Variants in TCF20 observed in about 807,000 individuals in gnomAD.
TCF20 encodes SPRE-binding protein.
TCF20 carries 3 observed loss-of-function variants against 148.6 expected under a neutral mutation model. The observed-to-expected ratio is 0.02, with a 90% confidence interval of 0.01 to 0.05. The LOEUF (loss-of-function observed/expected upper bound fraction) is 0.05, where lower values mean the gene tolerates loss of function less well. Among genes scored for constraint, TCF20 ranks in the 10% least tolerant of loss-of-function variants. The probability of loss-of-function intolerance (pLI) is 1.00; values close to 1 mark genes in which losing one functional copy is unlikely to be tolerated. For missense variants in TCF20, 2,350 were observed against 2,429.3 expected (o/e 0.97, Z 0.69); for synonymous variants, 1,049 against 909.5 (o/e 1.15, Z -2.76).
In TCF20 at chr22:42,213,150, C is replaced by T. The variant is rs746307234; in HGVS notation, c.2156G>A (p.Arg719Gln). The change falls in exon 2 of 6, where the codon CGA (arginine) becomes CAA (glutamine). Residue 719 changes from arginine (R) to glutamine (Q), a missense_variant. Coordinates refer to ENST00000677622, the MANE Select transcript of TCF20 (RefSeq NM_001378418.1). ...ATACTGAGGAAAGCCACTGACATTT[C>T]GTGGCACGGCTGACCCGAAACTATC... ...YKDSFGSAVP[R>Q]NVSGFPQYPT... 3.7e-6 allele frequency: 6 copies of T among 1,614,052 alleles called. No homozygotes were observed. The African/African-American group carries it at 4.0e-5, about 11-fold the overall frequency.
chr22:42,193,954 G>A (rs1297882466), intron 2 of TCF20, among the ~76,000 whole-genome samples: 3 of 152,132 alleles, frequency 2.0e-5, no homozygotes, highest in African/African-American at 7.2e-5. Context: ...TTTCAAGAGT[G>A]AGATTAGAAA....
intron 1 of TCF20, among the ~76,000 whole-genome samples, chr22:42,244,600 G>C (rs5751251): frequency 0.47 from 71,988 of 152,018 alleles, 17,743 homozygotes; most frequent in South Asian, 0.58. Context: ...TCTAAAAACA[G>C]AAAGCAGATC....
intron 1 of TCF20, among the ~76,000 whole-genome samples, chr22:42,264,062 G>A (rs1926156213): frequency 6.6e-6 from 1 of 152,094 alleles, no homozygotes; most frequent in Non-Finnish European, 1.5e-5. Flanking sequence ...CACGCTGGAT[G>A]CCAGCTGGCT....
intron 1 of TCF20, among the ~76,000 whole-genome samples, chr22:42,312,541 A>G (rs2147042786): frequency 6.6e-6 from 1 of 152,282 alleles, no homozygotes; most frequent in Admixed American, 6.5e-5. Context: ...CACTACCCAC[A>G]AAACCACTAT....
At chr22:42,249,053 G>C (rs1925149110) in intron 1 of TCF20, among the ~76,000 whole-genome samples, 3 of 152,210 alleles carry the variant, frequency 2.0e-5, no homozygotes, top group Admixed American at 2.0e-4. Context: ...GGAGCCCAGG[G>C]AGTACACAGA....
intron 1 of TCF20, among the ~76,000 whole-genome samples, chr22:42,305,971 G>A (rs1338796775): frequency 6.6e-6 from 1 of 152,196 alleles, no homozygotes; most frequent in Non-Finnish European, 1.5e-5. Context: ...TCCAGCAAAG[G>A]CTGGCATTGG....
intron 3 of TCF20, among the ~76,000 whole-genome samples, chr22:42,179,403 G>A (rs921017158): frequency 7.2e-6 from 1 of 138,688 alleles, no homozygotes; most frequent in Non-Finnish European, 1.5e-5. Flanking sequence ...ATTTAAAAAA[G>A]AAAACAGAAT....
chr22:42,202,974 G>C (rs1299668537), intron 2 of TCF20, among the ~76,000 whole-genome samples: 4 of 152,208 alleles, frequency 2.6e-5, no homozygotes, highest in Non-Finnish European at 4.4e-5. Flanking sequence ...CAAGATATTT[G>C]TTGAATTGAA....
intron 1 of TCF20, among the ~76,000 whole-genome samples, chr22:42,217,319 G>C (rs1441939897): frequency 6.6e-6 from 1 of 152,122 alleles, no homozygotes; most frequent in African/African-American, 2.4e-5. Flanking sequence ...GAGCCAGATA[G>C]CTTGCTCTCC....
chr22:42,241,513 C>A (rs1344550869), intron 1 of TCF20, among the ~76,000 whole-genome samples: 1 of 152,168 alleles, frequency 6.6e-6, no homozygotes, highest in Non-Finnish European at 1.5e-5. Flanking sequence ...TAAGAACTAT[C>A]CATTGAGTTA....
At chr22:42,199,620 G>A (rs1439789060) in intron 2 of TCF20, among the ~76,000 whole-genome samples, 1 of 138,304 alleles carries the variant, frequency 7.2e-6, no homozygotes, top group South Asian at 2.3e-4. Context: ...CTGTAATCCC[G>A]ACACTTTGGG....
At chr22:42,174,720 A>ATT (rs200903962) in intron 3 of TCF20, among the ~76,000 whole-genome samples, 1 of 147,288 alleles carries the variant, frequency 6.8e-6, no homozygotes, top group African/African-American at 2.5e-5. Context: ...CTCAAAAAAA[A>ATT]TTTTTTTTTT....
At chr22:42,334,945 C>T (rs1172532885) in intron 1 of TCF20, among the ~76,000 whole-genome samples, 1 of 152,152 alleles carries the variant, frequency 6.6e-6, no homozygotes, top group Non-Finnish European at 1.5e-5. Flanking sequence ...CAGGATGAAC[C>T]AGGACCCAAG....
intron 3 of TCF20, 108 bp from the exon 4 acceptor site, chr22:42,170,004 A>G: frequency 1.9e-6 from 2 of 1,041,926 alleles, no homozygotes; most frequent in African/African-American, 1.6e-5. Flanking sequence ...AGGTCGCTAC[A>G]CTTACTTCTA....
intron 2 of TCF20, among the ~76,000 whole-genome samples, chr22:42,204,016 T>C (rs1269993908): frequency 6.6e-6 from 1 of 152,250 alleles, no homozygotes; most frequent in Non-Finnish European, 1.5e-5. Flanking sequence ...CTAGAGAGCC[T>C]ACCTTTCTGA....
chr22:42,218,864 T>C (rs1029860112), intron 1 of TCF20, among the ~76,000 whole-genome samples: 2 of 151,898 alleles, frequency 1.3e-5, no homozygotes, highest in African/African-American at 2.4e-5. Flanking sequence ...ATGATACCCC[T>C]TTCCCTATTG....
chr22:42,283,487 T>TGCC (rs1926956990), intron 1 of TCF20, among the ~76,000 whole-genome samples: 1 of 152,098 alleles, frequency 6.6e-6, no homozygotes, highest in South Asian at 2.1e-4. Flanking sequence ...CCCCTGCTGC[T>TGCC]GCCGCGCTCC....
intron 1 of TCF20, chr22:42,269,699 G>C (rs1926487395): frequency 6.6e-6 from 1 of 152,604 alleles, no homozygotes; most frequent in South Asian, 2.1e-4. Context: ...CCCCACACAG[G>C]AAGTGTGTCC....
intron 2 of TCF20, among the ~76,000 whole-genome samples, chr22:42,182,211 G>T (rs1936813978): frequency 6.6e-6 from 1 of 152,190 alleles, no homozygotes; most frequent in Non-Finnish European, 1.5e-5. Flanking sequence ...CCTGGTAAGT[G>T]GCTCCACTTT....
Sources: gnomAD v4.1 joint callset for allele counts (sites outside exome capture counted in the v4.1 genomes callset) on GRCh38, gnomAD v4.1.1 for gene constraint, MANE v1.5 for transcripts, NCBI Gene and HGNC (gene_info 2026-07-23, HGNC 2026-07-21) for gene names.